The following ZNF676 variants were observed in gnomAD, a reference collection of about 807,000 sequenced individuals.
ZNF676 encodes the protein zinc finger protein 676.
Under a neutral mutation model 6.0 loss-of-function variants are expected in ZNF676, and 4 were observed. The observed-to-expected ratio is 0.67, with a 90% CI of 0.33 to 1.53. The LOEUF is 1.53. Ranked by LOEUF, ZNF676 falls within the 40% of genes most tolerant of loss-of-function variation. The probability of loss-of-function intolerance (pLI) is 0.06; values close to 1 mark genes in which losing one functional copy is unlikely to be tolerated. For missense variants in ZNF676, 644 were observed against 679.7 expected, an observed-to-expected ratio of 0.95 and a Z score of 0.58; for synonymous variants, 198 against 223.1, an observed-to-expected ratio of 0.89 and a Z score of 1.00.
At chr19:22,227,875 C>A in the ZNF676 span, among the ~76,000 whole-genome samples, 1 of 152,028 alleles carries the variant, frequency 6.6e-6, no homozygotes, top group Non-Finnish European at 1.5e-5. Flanking sequence ...AATAGCCTAC[C>A]AACCAAAAAA....
intron 1 of ZNF676, chr19:22,203,486 G>A (rs2024046474): frequency 6.6e-6 from 1 of 152,134 alleles, no homozygotes; most frequent in Admixed American, 6.5e-5. Flanking sequence ...GATCAAGTCA[G>A]CCAGAAAATA....
intron 1 of ZNF676, 122 bp from the exon 2 acceptor site, chr19:22,193,233 T>C: frequency 1.8e-6 from 2 of 1,135,130 alleles, no homozygotes; most frequent in South Asian, 2.8e-5. Flanking sequence ...AAATACTAAA[T>C]TATAACATGT....
the ZNF676 span, among the ~76,000 whole-genome samples, chr19:22,228,395 G>A: frequency 6.6e-6 from 1 of 152,114 alleles, no homozygotes; most frequent in Non-Finnish European, 1.5e-5. Context: ...CACAGTTAAT[G>A]TCATACTGAA....
the ZNF676 span, among the ~76,000 whole-genome samples, chr19:22,253,395 TG>T: frequency 0.063 from 2,916 of 46,344 alleles, 70 homozygotes; most frequent in African/African-American, 0.11. Flanking sequence ...TATATATATA[TG>T]ATAATGTGTA....
At chr19:22,229,019 C>G in the ZNF676 span, among the ~76,000 whole-genome samples, 4 of 152,026 alleles carry the variant, frequency 2.6e-5, no homozygotes, top group African/African-American at 4.8e-5. Flanking sequence ...TCATATGGAA[C>G]CAAAAAAGAG....
At chr19:22,234,964 G>GAAAGAA in the ZNF676 span, among the ~76,000 whole-genome samples, 3 of 10,188 alleles carry the variant, frequency 2.9e-4, no homozygotes, top group African/African-American at 1.3e-3. Flanking sequence ...GAAAGCAAGA[G>GAAAGAA]AAAGAAAGAA....
the ZNF676 span, among the ~76,000 whole-genome samples, chr19:22,242,468 CACAA>C: frequency 6.6e-6 from 1 of 151,914 alleles, no homozygotes; most frequent in Non-Finnish European, 1.5e-5. Flanking sequence ...AGAGATACAT[CACAA>C]GGCCTCCTGT....
chr19:22,193,662 C>T (rs1399014723), intron 1 of ZNF676, among the ~76,000 whole-genome samples: 1 of 152,100 alleles, frequency 6.6e-6, no homozygotes, highest in East Asian at 1.9e-4. Context: ...TTGGCCTCTG[C>T]TACCCCCTCC....
chr19:22,233,217 G>T, the ZNF676 span, among the ~76,000 whole-genome samples: 1 of 152,138 alleles, frequency 6.6e-6, no homozygotes, highest in Non-Finnish European at 1.5e-5. Context: ...GTTTCGCCAT[G>T]TTGCCCACGC....
chr19:22,180,260 A>T lies in ZNF676; in HGVS notation c.1457T>A (p.Phe486Tyr). 6.2e-7 allele frequency: 1 copy of T among 1,612,386 alleles called. No individual in the cohort carries two copies. The highest frequency in any genetic ancestry group is 8.5e-7 in the Non-Finnish European group (1 of 1,178,766). ...PYKCEECGKG[F>Y]STFSILTKHK... is the part of the protein sequence containing the mutation. The stretch of plus-strand genomic sequence containing the variant: ...TTTAGTAAGGATTGAGAACGTACTA[A>T]AGCCTTTGCCACATTCTTCACATTT... Residue 486 changes from phenylalanine (F) to tyrosine (Y), a missense_variant, in exon 3 of 3, where the codon TTT (phenylalanine) becomes TAT (tyrosine). By Grantham distance (22) the Phe-to-Tyr change is conservative. Transcript: ENST00000397121.
chr19:22,232,960 G>A, the ZNF676 span, among the ~76,000 whole-genome samples: 1 of 152,052 alleles, frequency 6.6e-6, no homozygotes, highest in Non-Finnish European at 1.5e-5. Context: ...GGAATCTAAT[G>A]AGACAATAAA....
the ZNF676 span, among the ~76,000 whole-genome samples, chr19:22,247,564 CA>C: frequency 2.2e-3 from 297 of 133,860 alleles, no homozygotes; most frequent in Middle Eastern, 7.9e-3. Flanking sequence ...AACTCTGGCT[CA>C]AAAAAAAAAA....
upstream of ZNF676, among the ~76,000 whole-genome samples, chr19:22,218,500 A>T (rs888387485): frequency 6.9e-4 from 94 of 136,154 alleles, no homozygotes; most frequent in African/African-American, 2.3e-3. Context: ...ACCCAGCTAA[A>T]TTTTTTTTTT....
chr19:22,227,463 G>A, the ZNF676 span, among the ~76,000 whole-genome samples: 2 of 152,224 alleles, frequency 1.3e-5, no homozygotes, highest in East Asian at 1.9e-4. Flanking sequence ...AGAGAAGCAA[G>A]AGCAAACAAA....
At chr19:22,186,445 C>T (rs1015085473) in intron 2 of ZNF676, among the ~76,000 whole-genome samples, 2 of 152,154 alleles carry the variant, frequency 1.3e-5, no homozygotes, top group African/African-American at 4.8e-5. Context: ...ATTGTAAAGA[C>T]CATCGACACT....
chr19:22,187,213 A>C (rs1235481144), intron 2 of ZNF676, among the ~76,000 whole-genome samples: 1 of 152,234 alleles, frequency 6.6e-6, no homozygotes, highest in Non-Finnish European at 1.5e-5. Context: ...AGGATTGAGA[A>C]ACTCACGCAA....
the ZNF676 span, among the ~76,000 whole-genome samples, chr19:22,249,363 T>C: frequency 6.6e-6 from 1 of 152,212 alleles, no homozygotes; most frequent in African/African-American, 2.4e-5. Flanking sequence ...AAATTCTGTG[T>C]GTGAACATAT....
At position 22,180,604 on chromosome 19, in the gene ZNF676, G is replaced by T; in HGVS notation, c.1113C>A (p.Gly371=). 6.2e-7 allele frequency: 1 copy of T among 1,612,958 alleles called. No individual in the cohort carries two copies. Among genetic ancestry groups the T allele is most frequent in the Non-Finnish European group, 8.5e-7 (1 of 1,179,754 alleles). The part of the protein sequence containing the change: ...GEKPYKCEGC[G]KAFSKVSTLN... ...GGGTTGAGACCTTACTAAAGGCTTTGCCACATCCTTCACATTTGTAGGGTT... is the reference window on the plus strand; with the variant it reads ...GGGTTGAGACCTTACTAAAGGCTTTTCCACATCCTTCACATTTGTAGGGTT... The change falls in exon 3 of 3, where the codon GGC becomes GGA. Residue 371 remains glycine (G), a synonymous_variant. Coordinates refer to ENST00000397121, the MANE Select transcript of ZNF676 (RefSeq NM_001001411.3).
chr19:22,229,883 C>T, the ZNF676 span, among the ~76,000 whole-genome samples: 2 of 152,178 alleles, frequency 1.3e-5, no homozygotes, highest in Non-Finnish European at 2.9e-5. Context: ...AATAGGAACA[C>T]TTTCACACTG....
Sources: allele counts gnomAD v4.1 joint callset (sites outside exome capture counted in the v4.1 genomes callset), GRCh38; gene constraint gnomAD v4.1.1; transcripts MANE v1.5; gene names NCBI Gene and HGNC (gene_info 2026-07-23, HGNC 2026-07-21).